Variants in FKBP8 observed in about 807,000 individuals in gnomAD.
FKBP8 encodes the protein peptidyl-prolyl cis-trans isomerase FKBP8.
A neutral mutation model predicts 41.7 loss-of-function variants in FKBP8; 5 were observed. That is an observed-to-expected ratio of 0.12 (90% CI 0.06 to 0.25). FKBP8 has a LOEUF of 0.25. Among genes scored for constraint, FKBP8 ranks in the 10% least tolerant of loss-of-function variants. The probability of loss-of-function intolerance (pLI) is 1.00; values close to 1 mark genes in which losing one functional copy is unlikely to be tolerated. For synonymous variants in FKBP8, 279 were observed against 254.5 expected (o/e 1.10, Z -0.92); for missense variants, 397 against 563.0 (o/e 0.71, Z 2.98).
chr19:18,533,377 G>A lies in FKBP8; in HGVS notation c.946-30C>T, dbSNP rs767125087. ...AAGGGGAAGGGGGTGGCATCACTCT[G>A]GACCCATACCTGGGCCTGTCCTTCA... On this transcript the variant is annotated intron_variant, in intron 6 of 8. Transcript: ENST00000608443. The A allele has an allele frequency of 1.4e-5, 22 of 1,562,380 alleles. No homozygotes were observed. In the African/African-American group the frequency reaches 2.7e-4, roughly 19 times the overall value.
At position 18,537,731 on chromosome 19, in the gene FKBP8, T is replaced by G; in HGVS notation, c.815A>C (p.Lys272Thr). 1 of 1,613,878 alleles carries G rather than the reference T, an allele frequency of 6.2e-7. No individual in the cohort carries two copies. The highest frequency in any genetic ancestry group is 8.5e-7 in the Non-Finnish European group (1 of 1,179,904). The change falls in exon 6 of 9, where the codon AAG becomes ACG. Residue 272 changes from lysine (K) to threonine (T), a missense_variant. Around this residue, in one of 2 missense-constraint regions of FKBP8, gnomAD observed 225 missense variants for 366.8 expected, o/e 0.61. Coordinates refer to ENST00000608443, the MANE Select transcript of FKBP8 (RefSeq NM_012181.5). This position sits in a 1 kb window ranked among gnomAD's most constrained non-coding sequence, Gnocchi z 4.4. ...CGCCAGGTTGTTCAGACACTTCACCTTCAACTGCAGGAGCTGTGCCTCCTC... is the reference window on the plus strand; with the variant it reads ...CGCCAGGTTGTTCAGACACTTCACCGTCAACTGCAGGAGCTGTGCCTCCTC... The part of the protein sequence containing the change: ...FEEEAQLLQL[K>T]VKCLNNLAAS...
In FKBP8 at chr19:18,532,787, G is replaced by A. The variant is rs147646431; in HGVS notation, c.1032C>T (p.His344=). ...TCTTCACCAGCTTTGAGAGCTCTGCGTGGATCGTCTGCAGAAGGCAGGGGA... is the reference window on the plus strand; with the variant it reads ...TCTTCACCAGCTTTGAGAGCTCTGCATGGATCGTCTGCAGAAGGCAGGGGA... The part of the protein sequence containing the change: ...LKLEPSNKTI[H]AELSKLVKKH... The change falls in exon 8 of 9, where the codon CAC becomes CAT. Residue 344 remains histidine, a synonymous_variant. Coordinates refer to ENST00000608443, the MANE Select transcript of FKBP8 (RefSeq NM_012181.5). The A allele has an allele frequency of 1.1e-5, 18 of 1,613,912 alleles. No individual in the cohort carries two copies. In the African/African-American group the frequency reaches 1.9e-4, roughly 17 times the overall value.
In FKBP8 at chr19:18,537,235, G is replaced by A. The variant is rs867821055; in HGVS notation, c.945+366C>T. Among the ~76,000 whole-genome samples the A allele has an allele frequency of 3.3e-5, 5 of 152,178 alleles. No individual in the cohort carries two copies. In the South Asian group the frequency reaches 6.2e-4, roughly 19 times the overall value. ...CACCTGTAGTCCCAGCTACTTGGGA[G>A]GTTGAGGCAGGACAATCGCTTGAAC... On this transcript the variant is annotated intron_variant, in intron 6 of 8. Transcript: ENST00000608443. The surrounding 1 kb of genome is among the most constrained non-coding windows in gnomAD (Gnocchi z 4.4).
At position 18,538,289 on chromosome 19, in the gene FKBP8, G is replaced by A. The variant is rs764629781; in HGVS notation, c.699C>T (p.Tyr233=). The change falls in exon 5 of 9, where the codon TAC becomes TAT. Residue 233 remains tyrosine (Y), a synonymous_variant. Transcript: ENST00000608443. The surrounding 1 kb of genome is among the most constrained non-coding windows in gnomAD (Gnocchi z 4.0). ...CGGCCAGGACGAAGTCCGCCCGCTGGTAGTGGGCGTTGCCGCACTCCCGCT... is the reference window on the plus strand; with the variant it reads ...CGGCCAGGACGAAGTCCGCCCGCTGATAGTGGGCGTTGCCGCACTCCCGCT... ...NRKRECGNAH[Y]QRADFVLAAN... 1.2e-6 allele frequency: 2 copies of A among 1,613,618 alleles called. No homozygotes were observed. The highest frequency in any genetic ancestry group is 1.7e-6 in the Non-Finnish European group (2 of 1,179,880).
chr19:18,532,890 G>T (rs1001863094), intron 7 of FKBP8, 95 bp from the exon 8 acceptor site: 74 of 1,539,430 alleles, frequency 4.8e-5, no homozygotes, highest in Non-Finnish European at 6.0e-5. Context: ...TGGGTGGTGG[G>T]ACTGTTGGGA....
rs1976458967 is a variant in FKBP8, at chr19:18,531,957, T to C, written c.*212A>G. On this transcript the variant is annotated 3_prime_UTR_variant, in exon 9 of 9. Transcript: ENST00000608443. Reference sequence around the variant, plus strand: ...GTAAGGAGGGTGGGGGAAAACTGGGTCTGAAGGAATGAGGGCCCCCTCCCT... The same window carrying C: ...GTAAGGAGGGTGGGGGAAAACTGGGCCTGAAGGAATGAGGGCCCCCTCCCT... 3.5e-6 allele frequency: 2 copies of C among 575,872 alleles called. No individual in the cohort carries two copies. The highest frequency in any genetic ancestry group is 6.0e-5 in the Admixed American group (2 of 33,446). The allele number at this position is 575,872 out of a possible 1,614,324, so 35.7% of individuals were successfully genotyped here.
intron 2 of FKBP8, 140 bp downstream of exon 2, chr19:18,541,539 C>T: frequency 8.5e-7 from 1 of 1,179,272 alleles, no homozygotes; most frequent in Non-Finnish European, 1.2e-6. Context: ...CAATGTGAAG[C>T]ATCTCCAGTA....
chr19:18,543,258 A>AC lies in FKBP8; in HGVS notation c.-26+227dup, dbSNP rs1199735847. ...CCTGGCCCTGCACGCCTCCATCGGG[A>AC]CCCCCCCACTGGATCCCCTTTGCCC... On this transcript the variant is annotated intron_variant, in intron 1 of 8. Coordinates refer to ENST00000608443, the MANE Select transcript of FKBP8 (RefSeq NM_012181.5). The AC allele has an allele frequency of 9.8e-4, 78 of 79,370 alleles. 2 individuals carry two copies. The highest frequency in any genetic ancestry group is 4.7e-3 in the African/African-American group (73 of 15,662). 4.9% of individuals were successfully genotyped at this position (79,370 alleles called of 1,614,324 possible). A position where few individuals can be genotyped will look rare whatever the true frequency, so the allele number is the denominator to read the frequency against.
chr19:18,539,641 G>T lies in FKBP8; in HGVS notation c.372C>A (p.Thr124=), dbSNP rs367858174. 6 of 1,612,592 alleles carry T rather than the reference G, an allele frequency of 3.7e-6. No individual in the cohort carries two copies. The African/African-American group carries it at 8.0e-5, about 21-fold the overall frequency. Residue 124 remains threonine, a synonymous_variant, in exon 3 of 9, where the codon ACC becomes ACA. Coordinates refer to ENST00000608443, the MANE Select transcript of FKBP8 (RefSeq NM_012181.5). ...TCTCCAGCGACGTCTGCAGATGTAC[G>T]GTGACCACCTGGCCCTTGACCGGGC... ...SSRPVKGQVV[T]VHLQTSLENG...
chr19:18,534,996 G>A (rs565928248), intron 6 of FKBP8, among the ~76,000 whole-genome samples: 2 of 151,980 alleles, frequency 1.3e-5, no homozygotes, highest in South Asian at 4.2e-4. Flanking sequence ...TGTTGGCCAG[G>A]CTGGTCTCAA....
At chr19:18,533,486 AAAAAT>A (rs1043757395) in intron 6 of FKBP8, 139 bp from the exon 7 acceptor site, 33 of 505,998 alleles carry the variant, frequency 6.5e-5, no homozygotes, top group Non-Finnish European at 9.7e-5. Context: ...CTCCATCTCA[AAAAAT>A]AAAATAAAAT....
rs1976619022 is a variant in FKBP8 at position 18,538,034 on chromosome 19, C to T, written c.772+182G>A. 7 of 721,176 alleles carry T rather than the reference C, an allele frequency of 9.7e-6. No individual in the cohort carries two copies. In the Admixed American group the frequency reaches 1.8e-4, roughly 18 times the overall value. 44.7% of individuals were successfully genotyped at this position (721,176 alleles called of 1,614,324 possible). On this transcript the variant is annotated intron_variant, in intron 5 of 8. Transcript: ENST00000608443. The surrounding 1 kb of genome is among the most constrained non-coding windows in gnomAD (Gnocchi z 4.0). The stretch of plus-strand genomic sequence containing the variant: ...TATCCACTTGCATTCTACAACACTC[C>T]ACTGGTCTGGGATATACCACGAGTC...
chr19:18,541,712 C>G lies in FKBP8; in HGVS notation c.259G>C (p.Ala87Pro). ...LAAMEPEPAP[A>P]PAPEEWLDIL... ...TCCAGCCACTCTTCTGGGGCCGGGG[C>G]TGGGGCGGGCTCGGGCTCCATGGCA... Residue 87 changes from alanine to proline, a missense_variant, in exon 2 of 9, where the codon GCC becomes CCC. Transcript: ENST00000608443. 6.2e-7 allele frequency: 1 copy of G among 1,612,254 alleles called. No individual in the cohort carries two copies. The highest frequency in any genetic ancestry group is 1.1e-5 in the South Asian group (1 of 90,904).
intron 4 of FKBP8, 34 bp downstream of exon 4, chr19:18,539,337 G>A (rs2145191636): frequency 6.3e-7 from 1 of 1,581,054 alleles, no homozygotes; most frequent in Non-Finnish European, 8.6e-7. Context: ...CCCCTCCTGA[G>A]ACCTGCAGAG....
intron 6 of FKBP8, among the ~76,000 whole-genome samples, chr19:18,534,542 G>A (rs79938884): frequency 6.1e-4 from 93 of 152,016 alleles, no homozygotes; most frequent in African/African-American, 2.2e-3. Flanking sequence ...CACCTCCACT[G>A]GCGAGAGGCC....
rs762591983 is a variant in FKBP8 at position 18,537,596 on chromosome 19, C to A, written c.945+5G>T. The A allele has an allele frequency of 3.2e-6, 5 of 1,585,282 alleles. No individual in the cohort carries two copies. The Admixed American group carries it at 6.9e-5, about 22-fold the overall frequency. ...GACCCGGCCTGGCACCCCGGTGTGG[C>A]CTACCTTGCCCTTGCGGAAGAGAGC... On this transcript the variant is annotated splice_donor_5th_base_variant and intron_variant, in intron 6 of 8. Transcript: ENST00000608443. The surrounding 1 kb of genome is among the most constrained non-coding windows in gnomAD (Gnocchi z 4.4).
chr19:18,543,401 C>T (rs1976755523), intron 1 of FKBP8, 85 bp downstream of exon 1: 1 of 143,760 alleles, frequency 7.0e-6, no homozygotes. Flanking sequence ...TCGGCCGCAG[C>T]CCCCGGCGCG....
chr19:18,542,935 A>ACC, intron 1 of FKBP8: 1 of 578,544 alleles, frequency 1.7e-6, no homozygotes, highest in Non-Finnish European at 2.4e-6. Context: ...AGACCCTCCC[A>ACC]GCCCCCACCC....
chr19:18,534,133 G>A (rs1358917546), intron 6 of FKBP8, among the ~76,000 whole-genome samples: 11 of 149,390 alleles, frequency 7.4e-5, no homozygotes, highest in Admixed American at 1.3e-4. Flanking sequence ...GTGAAACTCC[G>A]TCTCTACTAA....
Sources: gnomAD v4.1 joint callset for allele counts (sites outside exome capture counted in the v4.1 genomes callset) on GRCh38, gnomAD v4.1.1 for gene constraint, gnomAD v4.1.1 regional missense constraint, Gnocchi (gnomAD v3.1) non-coding constraint, MANE v1.5 for transcripts, NCBI Gene and HGNC (gene_info 2026-07-23, HGNC 2026-07-21) for gene names.